The following UNC13B variants were observed in gnomAD, a reference collection of about 807,000 sequenced individuals.
UNC13B encodes protein unc-13 homolog B.
A neutral mutation model predicts 211.0 loss-of-function variants in UNC13B; 144 were observed. The observed-to-expected ratio is 0.68, with a 90% CI of 0.60 to 0.78. The LOEUF (loss-of-function observed/expected upper bound fraction) is 0.78, where lower values mean the gene tolerates loss of function less well. Among genes scored for constraint, UNC13B ranks in the 30% least tolerant of loss-of-function variants. The pLI is 0.00. For synonymous variants in UNC13B, 709 were observed against 725.8 expected (o/e 0.98, Z 0.37); for missense variants, 1,777 against 2,002.0 (o/e 0.89, Z 2.14).
intron 26 of UNC13B, among the ~76,000 whole-genome samples, chr9:35,393,772 A>G (rs140815987): frequency 2.6e-5 from 4 of 151,804 alleles, no homozygotes; most frequent in Admixed American, 6.6e-5. Flanking sequence ...GGGTTTCACC[A>G]TGTTGGCCAG....
At chr9:35,176,025 CAAA>C (rs10608620) in intron 1 of UNC13B, among the ~76,000 whole-genome samples, 118 of 96,156 alleles carry the variant, frequency 1.2e-3, no homozygotes, top group South Asian at 2.9e-3. Flanking sequence ...GACTCTGTCT[CAAA>C]AAAAAAAAAA....
At chr9:35,341,915 G>C (rs921207435) in intron 11 of UNC13B, 1 of 985,564 alleles carries the variant, frequency 1.0e-6, no homozygotes, top group Non-Finnish European at 1.2e-6. Context: ...GCCCAGAATC[G>C]ATTGAGTTAG....
intron 7 of UNC13B, among the ~76,000 whole-genome samples, chr9:35,281,033 A>C (rs1299778164): frequency 6.6e-6 from 1 of 152,104 alleles, no homozygotes; most frequent in Non-Finnish European, 1.5e-5. Flanking sequence ...GTGGATCACG[A>C]GGTCAGGAGA....
intron 25 of UNC13B, among the ~76,000 whole-genome samples, chr9:35,390,367 T>A (rs1178957707): frequency 6.6e-6 from 1 of 152,052 alleles, no homozygotes; most frequent in Non-Finnish European, 1.5e-5. Flanking sequence ...GCCTGGAGAG[T>A]CTCTACCTCT....
chr9:35,329,279 G>A (rs987759494), intron 11 of UNC13B, among the ~76,000 whole-genome samples: 5 of 152,026 alleles, frequency 3.3e-5, no homozygotes, highest in Non-Finnish European at 7.4e-5. Context: ...TCGTTAAGTG[G>A]GTAATTAATA....
At chr9:35,401,531 TA>T (rs1836300999) in intron 37 of UNC13B, among the ~76,000 whole-genome samples, 1 of 152,142 alleles carries the variant, frequency 6.6e-6, no homozygotes, top group African/African-American at 2.4e-5. Flanking sequence ...TTAAGCTTGA[TA>T]AAAGATGAGG....
chr9:35,339,037 G>C (rs947208659), intron 11 of UNC13B, among the ~76,000 whole-genome samples: 1 of 152,132 alleles, frequency 6.6e-6, no homozygotes, highest in Admixed American at 6.5e-5. Flanking sequence ...TAGAACTCCT[G>C]CAGGTCTGAA....
chr9:35,313,877 T>G (rs770102574), intron 10 of UNC13B, 22 bp from the exon 11 acceptor site: 1 of 1,593,226 alleles, frequency 6.3e-7, no homozygotes, highest in Non-Finnish European at 8.6e-7. Context: ...TTTTAAGAAA[T>G]GTACTTTTTC....
rs1251167199 is a variant in UNC13B at position 35,236,510 on chromosome 9, G to A, written c.194G>A (p.Trp65Ter). 1.2e-6 allele frequency: 2 copies of A among 1,614,124 alleles called. No homozygotes were observed. The highest frequency in any genetic ancestry group is 1.7e-6 in the Non-Finnish European group (2 of 1,179,974). Residue 65 changes from tryptophan to a stop codon, truncating the protein, a stop_gained, in exon 4 of 40, where the codon TGG (tryptophan) becomes TAG (stop). Transcript: ENST00000635942. LOFTEE classifies it high-confidence loss of function. ...RLDLGLSVEV[W>*]NKGLIWDTMV... Reference sequence around the variant, plus strand: ...GACCTGGGTCTAAGTGTGGAGGTATGGAACAAAGGACTGATCTGGGACACC... The same window carrying A: ...GACCTGGGTCTAAGTGTGGAGGTATAGAACAAAGGACTGATCTGGGACACC...
At chr9:35,312,026 A>T (rs1298964958) in intron 10 of UNC13B, among the ~76,000 whole-genome samples, 3 of 152,200 alleles carry the variant, frequency 2.0e-5, no homozygotes, top group Non-Finnish European at 4.4e-5. Context: ...GTTTAATAGC[A>T]TCACTGGCCT....
intron 11 of UNC13B, among the ~76,000 whole-genome samples, chr9:35,314,801 G>GTATA (rs58978538): frequency 0.019 from 2,705 of 143,728 alleles, 41 homozygotes; most frequent in South Asian, 0.057. Context: ...CCCATGGTGT[G>GTATA]TATATATATA....
chr9:35,183,873 T>C (rs1213951231), intron 1 of UNC13B, among the ~76,000 whole-genome samples: 1 of 134,264 alleles, frequency 7.4e-6, no homozygotes, highest in African/African-American at 2.9e-5. Context: ...GCTCCTTGCC[T>C]CCCAGACGGG....
chr9:35,197,929 C>T (rs1823036572), intron 1 of UNC13B, among the ~76,000 whole-genome samples: 1 of 152,012 alleles, frequency 6.6e-6, no homozygotes. Context: ...TCAGATAGTT[C>T]TTTATAGCAA....
chr9:35,243,496 A>C, intron 6 of UNC13B, 132 bp downstream of exon 6: 1 of 885,940 alleles, frequency 1.1e-6, no homozygotes, highest in Non-Finnish European at 1.8e-6. Flanking sequence ...TGAAGAAAAA[A>C]GGCAGCTAGA....
At chr9:35,258,923 AT>A in intron 6 of UNC13B, 69 bp from the exon 7 acceptor site, 1 of 1,530,558 alleles carries the variant, frequency 6.5e-7, no homozygotes. Flanking sequence ...GGTAGTTGTG[AT>A]TTTTTTCCCT....
intron 1 of UNC13B, among the ~76,000 whole-genome samples, chr9:35,202,526 G>A (rs1220830028): frequency 6.6e-6 from 1 of 151,948 alleles, no homozygotes; most frequent in Non-Finnish European, 1.5e-5. Flanking sequence ...TATGAATCTG[G>A]GTGCTCCTGT....
intron 21 of UNC13B, among the ~76,000 whole-genome samples, chr9:35,382,926 A>G (rs1834955431): frequency 6.6e-6 from 1 of 152,080 alleles, no homozygotes; most frequent in South Asian, 2.1e-4. Flanking sequence ...TCAGATAGCT[A>G]CCATTTTGAT....
rs532808398 is a variant in UNC13B, at chr9:35,389,542, C to T, written c.11095-304C>T. 7.2e-5 allele frequency among the ~76,000 whole-genome samples: 11 copies of T among 152,232 alleles called. No individual in the cohort carries two copies. The South Asian group carries it at 2.1e-3, about 29-fold the overall frequency. Reference sequence around the variant, plus strand: ...TGGAGGGGCTGTTTCCTTTAGCCAGCGAGTTACTCTGCCCATAGCAACTGA... The same window carrying T: ...TGGAGGGGCTGTTTCCTTTAGCCAGTGAGTTACTCTGCCCATAGCAACTGA... On this transcript the variant is annotated intron_variant, in intron 24 of 39. Transcript: ENST00000635942.
In UNC13B at chr9:35,306,576, C is replaced by G. The variant is rs144144493; in HGVS notation, c.7172C>G (p.Thr2391Ser). The G allele has an allele frequency of 2.5e-6, 1 of 399,008 alleles. No individual in the cohort carries two copies. Among genetic ancestry groups the G allele is most frequent in the Non-Finnish European group, 4.4e-6 (1 of 226,074 alleles). 24.7% of individuals were successfully genotyped at this position (399,008 alleles called of 1,614,324 possible). The change falls in exon 9 of 40, where the codon ACT becomes AGT. Residue 2391 changes from threonine (T) to serine (S), a missense_variant. By Grantham distance (58) the Thr-to-Ser change is moderately conservative. Coordinates refer to ENST00000635942, the MANE Select transcript of UNC13B (RefSeq NM_001371189.2). ...ATTGAAAAATTCAATGATTTAGACA[C>G]TTGTACTAACTGCCACCAAAATGAG... ...QLIEKFNDLD[T>S]CTNCHQNEKF...
Sources: gnomAD v4.1 joint callset for allele counts (sites outside exome capture counted in the v4.1 genomes callset) on GRCh38, gnomAD v4.1.1 for gene constraint, MANE v1.5 for transcripts, NCBI Gene and HGNC (gene_info 2026-07-23, HGNC 2026-07-21) for gene names.